The following DNAH6 variants were observed in gnomAD, a reference collection of about 807,000 sequenced individuals.
DNAH6 encodes axonemal beta dynein heavy chain 6.
In DNAH6, 340 loss-of-function variants were observed where a neutral mutation model predicts 491.4. The ratio of observed to expected loss-of-function variants is 0.69; its 90% CI spans 0.63 to 0.76. DNAH6 has a LOEUF of 0.76. DNAH6 is among the 30% of genes least tolerant of loss of function. The pLI is 0.00. For missense variants in DNAH6, 4,443 were observed against 4,972.2 expected (o/e 0.89, Z 3.20); for synonymous variants, 1,603 against 1,686.1 (o/e 0.95, Z 1.21).
intron 68 of DNAH6, among the ~76,000 whole-genome samples, chr2:84,795,175 G>C (rs1279433912): frequency 3.6e-5 from 4 of 112,360 alleles, no homozygotes; most frequent in Admixed American, 2.0e-4. Flanking sequence ...TGTGGGGTGG[G>C]GGGAGGGGGG....
In DNAH6 at chr2:84,685,437, A is replaced by C; in HGVS notation, c.7028A>C (p.Lys2343Thr). 1.3e-6 allele frequency: 2 copies of C among 1,511,006 alleles called. No individual in the cohort carries two copies. The highest frequency in any genetic ancestry group is 1.8e-6 in the Non-Finnish European group (2 of 1,122,940). The allele number at this position is 1,511,006 out of a possible 1,614,324, so 93.6% of individuals were successfully genotyped here. ...FHDRLINNED[K>T]HYFHVILTEM... is the part of the protein sequence containing the mutation. Reference sequence around the variant, plus strand: ...GATCGCTTGATTAATAATGAAGATAAGCACTATTTCCATGTTATTCTGACA... The same window carrying C: ...GATCGCTTGATTAATAATGAAGATACGCACTATTTCCATGTTATTCTGACA... The change falls in exon 43 of 77, where the codon AAG (lysine) becomes ACG (threonine). Residue 2343 changes from lysine (K) to threonine (T), a missense_variant. Around this residue, in one of 3 missense-constraint regions of DNAH6, gnomAD observed 2,977 missense variants for 3,296.6 expected, o/e 0.90. Transcript: ENST00000389394.
At chr2:84,797,699 T>TG in intron 70 of DNAH6, 41 bp downstream of exon 70, 1 of 1,495,468 alleles carries the variant, frequency 6.7e-7, no homozygotes, top group Non-Finnish European at 9.1e-7. Flanking sequence ...TTATGTTGTG[T>TG]ATGTAAACTC....
intron 29 of DNAH6, among the ~76,000 whole-genome samples, chr2:84,628,679 C>G (rs1688106486): frequency 6.6e-6 from 1 of 152,120 alleles, no homozygotes; most frequent in African/African-American, 2.4e-5. Context: ...CATCACTGCA[C>G]AGATGGGAGT....
rs114557697 is a variant in DNAH6 at position 84,699,875 on chromosome 2, G to A, written c.7818+141G>A. 1,287 of 785,768 alleles carry A rather than the reference G, an allele frequency of 1.6e-3. 13 individuals are homozygous for A. In the African/African-American group the frequency reaches 0.018, roughly 11 times the overall value. 48.7% of individuals were successfully genotyped at this position (785,768 alleles called of 1,614,324 possible). On this transcript the variant is annotated intron_variant, in intron 48 of 76. Transcript: ENST00000389394. Reference sequence around the variant, plus strand: ...GAATTTATTCATATAGAGAATGACCGTGACAATCATAGAACAAAGACAAAA... The same window carrying A: ...GAATTTATTCATATAGAGAATGACCATGACAATCATAGAACAAAGACAAAA...
upstream of DNAH6, among the ~76,000 whole-genome samples, chr2:84,514,887 A>ACACACACACG (rs1189148625): frequency 6.6e-6 from 1 of 151,830 alleles, no homozygotes; most frequent in African/African-American, 2.4e-5. Flanking sequence ...ACACACACAC[A>ACACACACACG]CACACACACA....
At chr2:84,694,957 T>G (rs1695232185) in intron 46 of DNAH6, among the ~76,000 whole-genome samples, 1 of 152,174 alleles carries the variant, frequency 6.6e-6, no homozygotes, top group Non-Finnish European at 1.5e-5. Flanking sequence ...CTTTCTACAT[T>G]GATTATTCTT....
At chr2:84,506,922 C>G in the DNAH6 span, among the ~76,000 whole-genome samples, 1 of 152,026 alleles carries the variant, frequency 6.6e-6, no homozygotes, top group South Asian at 2.1e-4. Context: ...TTCCATTGGT[C>G]TATATCTCTG....
intron 64 of DNAH6, among the ~76,000 whole-genome samples, chr2:84,779,933 CTTTTCT>C (rs1559032538): frequency 1.3e-5 from 2 of 152,258 alleles, no homozygotes; most frequent in African/African-American, 4.8e-5. Flanking sequence ...GTTGGAATTT[CTTTTCT>C]TTAAGAATGC....
intron 33 of DNAH6, among the ~76,000 whole-genome samples, chr2:84,642,863 T>C (rs1376943032): frequency 2.0e-5 from 3 of 152,168 alleles, no homozygotes; most frequent in Non-Finnish European, 4.4e-5. Context: ...TATAATCAAA[T>C]ACATTGTTGC....
At chr2:84,608,508 C>T (rs1049272447) in intron 21 of DNAH6, among the ~76,000 whole-genome samples, 6 of 152,146 alleles carry the variant, frequency 3.9e-5, no homozygotes, top group African/African-American at 1.4e-4. Flanking sequence ...TTGTACATCT[C>T]CATAAGAGCT....
chr2:84,548,842 G>T (rs1270591676), intron 8 of DNAH6, among the ~76,000 whole-genome samples: 1 of 152,182 alleles, frequency 6.6e-6, no homozygotes, highest in African/African-American at 2.4e-5. Flanking sequence ...TTTCCTTCTG[G>T]CCCAGCCTGG....
At chr2:84,642,737 A>G (rs1432494125) in intron 33 of DNAH6, among the ~76,000 whole-genome samples, 1 of 151,844 alleles carries the variant, frequency 6.6e-6, no homozygotes, top group Non-Finnish European at 1.5e-5. Context: ...TATAATAACA[A>G]TCGTATTTCT....
the DNAH6 span, among the ~76,000 whole-genome samples, chr2:84,498,649 C>T: frequency 2.0e-5 from 3 of 152,062 alleles, no homozygotes; most frequent in Non-Finnish European, 4.4e-5. Flanking sequence ...TAAGCAAGAG[C>T]ACACTGCATT....
At chr2:84,681,323 A>ATT (rs1693754559) in intron 41 of DNAH6, 34 bp from the exon 42 acceptor site, 1 of 1,466,154 alleles carries the variant, frequency 6.8e-7, no homozygotes, top group African/African-American at 1.4e-5. Flanking sequence ...TTTAAAATAA[A>ATT]TCTAATCCTC....
chr2:84,541,535 G>A (rs963645402), intron 4 of DNAH6, among the ~76,000 whole-genome samples: 7 of 152,178 alleles, frequency 4.6e-5, no homozygotes, highest in Admixed American at 2.0e-4. Context: ...AGAAAAGTGT[G>A]GGATTTTAGT....
rs80339469 is a variant in DNAH6 at position 84,642,436 on chromosome 2, A to G, written c.5078+382A>G. Among the ~76,000 whole-genome samples, 802 of 152,252 alleles carry G rather than the reference A, an allele frequency of 5.3e-3. 19 individuals carry two copies. The East Asian group carries it at 0.09, about 17-fold the overall frequency. ...ACATTTCTCCACGTTATACATGTATATAGTTTTAAAAAGAAAATAGTTTCA... is the reference window on the plus strand; with the variant it reads ...ACATTTCTCCACGTTATACATGTATGTAGTTTTAAAAAGAAAATAGTTTCA... On this transcript the variant is annotated intron_variant, in intron 33 of 76. Transcript: ENST00000389394.
At chr2:84,508,609 C>T in the DNAH6 span, among the ~76,000 whole-genome samples, 34 of 152,114 alleles carry the variant, frequency 2.2e-4, no homozygotes, top group Admixed American at 3.3e-4. Flanking sequence ...CTTCTGCTAG[C>T]TTTTGAATGT....
At chr2:84,715,658 G>A (rs760595268) in intron 58 of DNAH6, 31 bp downstream of exon 58, 31 of 1,530,428 alleles carry the variant, frequency 2.0e-5, no homozygotes, top group Non-Finnish European at 2.4e-5. Flanking sequence ...GGGGAGGGAA[G>A]GGGGTATTGT....
chr2:84,467,752 T>C, the DNAH6 span, among the ~76,000 whole-genome samples: 8 of 152,232 alleles, frequency 5.3e-5, no homozygotes, highest in African/African-American at 9.6e-5. Flanking sequence ...ATTTAACATA[T>C]GAGATCCTTT....
Sources: gnomAD v4.1 joint callset for allele counts (sites outside exome capture counted in the v4.1 genomes callset) on GRCh38, gnomAD v4.1.1 for gene constraint, gnomAD v4.1.1 regional missense constraint, MANE v1.5 for transcripts, NCBI Gene and HGNC (gene_info 2026-07-23, HGNC 2026-07-21) for gene names.